GRIN2B: variants seen among roughly 807,000 people sequenced by gnomAD.
GRIN2B encodes glutamate receptor ionotropic, NMDA 2B.
In GRIN2B, 5 loss-of-function variants were observed where a neutral mutation model predicts 114.5. The ratio of observed to expected loss-of-function variants is 0.04; its 90% CI spans 0.02 to 0.09. The LOEUF (loss-of-function observed/expected upper bound fraction) is 0.09. Among genes scored for constraint, GRIN2B ranks in the 10% least tolerant of loss-of-function variants. The pLI is 1.00. For synonymous variants in GRIN2B, 787 were observed against 745.1 expected, an observed-to-expected ratio of 1.06 and a Z score of -0.92; for missense variants, 1,108 against 1,943.5, an observed-to-expected ratio of 0.57 and a Z score of 8.08.
chr12:13,764,344 C>A (rs534797373), intron 3 of GRIN2B, among the ~76,000 whole-genome samples: 1 of 152,320 alleles, frequency 6.6e-6, no homozygotes, highest in South Asian at 2.1e-4. Flanking sequence ...TCCCTCCTTG[C>A]TGCAATCAGC....
At chr12:13,937,690 T>C (rs219900) in intron 2 of GRIN2B, among the ~76,000 whole-genome samples, 68,930 of 151,988 alleles carry the variant, frequency 0.45, 15,844 homozygotes, top group East Asian at 0.53. Context: ...AATAAATGAC[T>C]AAATATAAAA....
intron 10 of GRIN2B, among the ~76,000 whole-genome samples, chr12:13,590,313 C>T (rs11837351): frequency 0.044 from 6,736 of 152,130 alleles, 428 homozygotes; most frequent in African/African-American, 0.14. Flanking sequence ...CGGTGGTTTG[C>T]TCCACCTATC....
At chr12:13,857,668 C>G (rs1025489860) in intron 3 of GRIN2B, among the ~76,000 whole-genome samples, 1 of 152,080 alleles carries the variant, frequency 6.6e-6, no homozygotes, top group Admixed American at 6.6e-5. Context: ...GATGTCACTT[C>G]CTTTGAGACA....
Position 13,562,714 on chromosome 12 carries a change from G to A in GRIN2B, c.*69C>T, listed in dbSNP as rs1011159439. 21 of 1,265,606 alleles carry A rather than the reference G, an allele frequency of 1.7e-5. No homozygotes were observed. The highest frequency in any genetic ancestry group is 4.3e-4 in the Middle Eastern group (2 of 4,674). 78.4% of individuals were successfully genotyped at this position (1,265,606 alleles called of 1,614,324 possible). A position where few individuals can be genotyped will look rare whatever the true frequency, so the allele number is the denominator to read the frequency against. On this transcript the variant is annotated 3_prime_UTR_variant, in exon 14 of 14. Coordinates refer to ENST00000609686, the MANE Select transcript of GRIN2B (RefSeq NM_000834.5). ...ACCAAGTTCACCCCCGTCACCCTCC[G>A]TGACATGCGCATCACGCGACCCACA...
chr12:13,845,221 G>A (rs528655301), intron 3 of GRIN2B, among the ~76,000 whole-genome samples: 2 of 152,086 alleles, frequency 1.3e-5, no homozygotes, highest in Non-Finnish European at 2.9e-5. Flanking sequence ...CTTTCCATCT[G>A]TCTGCCTACG....
At chr12:13,674,674 C>T (rs984925585) in intron 5 of GRIN2B, among the ~76,000 whole-genome samples, 2 of 152,040 alleles carry the variant, frequency 1.3e-5, no homozygotes, top group South Asian at 4.2e-4. Context: ...ATTTTGAAGC[C>T]CATTCTCAGC....
intron 2 of GRIN2B, among the ~76,000 whole-genome samples, chr12:13,878,055 C>G (rs1324587976): frequency 1.0e-5 from 1 of 99,608 alleles, no homozygotes; most frequent in South Asian, 4.3e-4. Context: ...CAGAGCAAGA[C>G]TCTGTCTCAA....
chr12:13,726,935 T>A (rs1815990394), intron 4 of GRIN2B, among the ~76,000 whole-genome samples: 1 of 152,116 alleles, frequency 6.6e-6, no homozygotes, highest in East Asian at 1.9e-4. Context: ...CACTCCTGAG[T>A]AAAACTATTA....
chr12:13,976,525 A>G (rs1409623326), intron 2 of GRIN2B, among the ~76,000 whole-genome samples: 1 of 152,164 alleles, frequency 6.6e-6, no homozygotes, highest in Non-Finnish European at 1.5e-5. Flanking sequence ...TTAAAGACAC[A>G]AGACTATCGT....
chr12:13,808,518 T>G (rs565058415), intron 3 of GRIN2B, among the ~76,000 whole-genome samples: 1 of 151,702 alleles, frequency 6.6e-6, no homozygotes, highest in Non-Finnish European at 1.5e-5. Context: ...GGACATGAAC[T>G]TCACTCATAG....
intron 3 of GRIN2B, among the ~76,000 whole-genome samples, chr12:13,780,386 T>C (rs1226686278): frequency 1.3e-5 from 2 of 152,328 alleles, no homozygotes; most frequent in Admixed American, 6.5e-5. Context: ...AACACGTTCA[T>C]TATAATTTAC....
intron 2 of GRIN2B, among the ~76,000 whole-genome samples, chr12:13,901,930 T>G (rs1591611759): frequency 6.6e-6 from 1 of 152,144 alleles, no homozygotes; most frequent in East Asian, 1.9e-4. Context: ...AGATATCAAA[T>G]TTTTTCAGCA....
chr12:13,707,188 A>G (rs542067450), intron 4 of GRIN2B, among the ~76,000 whole-genome samples: 1 of 152,176 alleles, frequency 6.6e-6, no homozygotes, highest in South Asian at 2.1e-4. Context: ...TACTCCATTA[A>G]TGAAGGCCTT....
intron 4 of GRIN2B, among the ~76,000 whole-genome samples, chr12:13,678,106 A>G (rs907230570): frequency 2.0e-5 from 3 of 152,176 alleles, no homozygotes; most frequent in Non-Finnish European, 2.9e-5. Context: ...CTTTTTATCT[A>G]TGAAGGACAT....
chr12:13,583,278 G>A (rs905328854), intron 10 of GRIN2B, among the ~76,000 whole-genome samples: 1 of 152,180 alleles, frequency 6.6e-6, no homozygotes, highest in Non-Finnish European at 1.5e-5. Context: ...AGCAGCTAAT[G>A]CTTCTACAGC....
intron 2 of GRIN2B, among the ~76,000 whole-genome samples, chr12:13,926,940 C>T (rs1235302843): frequency 7.1e-6 from 1 of 140,442 alleles, no homozygotes; most frequent in Non-Finnish European, 1.5e-5. Flanking sequence ...GGACAGAGCG[C>T]GACTCCGTCT....
At chr12:13,929,969 A>C (rs1454428038) in intron 2 of GRIN2B, among the ~76,000 whole-genome samples, 1 of 152,040 alleles carries the variant, frequency 6.6e-6, no homozygotes, top group Admixed American at 6.6e-5. Context: ...GCGGATCACG[A>C]GGTCTAGAGA....
At chr12:13,887,011 G>C (rs1866171949) in intron 2 of GRIN2B, among the ~76,000 whole-genome samples, 1 of 152,100 alleles carries the variant, frequency 6.6e-6, no homozygotes, top group Non-Finnish European at 1.5e-5. Context: ...ACTAACCCAA[G>C]GTTACATGGC....
At chr12:13,592,059 G>A (rs1394415829) in intron 10 of GRIN2B, among the ~76,000 whole-genome samples, 4 of 152,204 alleles carry the variant, frequency 2.6e-5, no homozygotes, top group Non-Finnish European at 5.9e-5. Context: ...ATTATTGAAA[G>A]CATGTCTCTT....
Sources: gnomAD v4.1 joint callset for allele counts (sites outside exome capture counted in the v4.1 genomes callset) on GRCh38, gnomAD v4.1.1 for gene constraint, MANE v1.5 for transcripts, NCBI Gene and HGNC (gene_info 2026-07-23, HGNC 2026-07-21) for gene names.